NACC1: variants seen among roughly 807,000 people sequenced by gnomAD.
NACC1 encodes the protein nucleus accumbens associated 1.
In NACC1, 6 loss-of-function variants were observed where a neutral mutation model predicts 41.7. The ratio of observed to expected loss-of-function variants is 0.14; its 90% CI spans 0.08 to 0.28. The LOEUF (loss-of-function observed/expected upper bound fraction) is 0.28, where lower values mean the gene tolerates loss of function less well. Among genes scored for constraint, NACC1 ranks in the 10% least tolerant of loss-of-function variants. The pLI is 1.00. For synonymous variants in NACC1, 338 were observed against 330.6 expected (o/e 1.02, Z -0.24); for missense variants, 434 against 763.7 (o/e 0.57, Z 5.09).
intron 1 of NACC1, among the ~76,000 whole-genome samples, chr19:13,127,368 A>T (rs1330705416): frequency 1.2e-5 from 1 of 81,428 alleles, no homozygotes; most frequent in African/African-American, 6.1e-5. Flanking sequence ...ACATATACAT[A>T]TACTTTTTTT....
At chr19:13,129,968 T>C (rs2145618486) in intron 1 of NACC1, among the ~76,000 whole-genome samples, 1 of 152,170 alleles carries the variant, frequency 6.6e-6, no homozygotes, top group Admixed American at 6.5e-5. Context: ...TAAGGTCACC[T>C]TGAAGCAGTC....
intron 1 of NACC1, among the ~76,000 whole-genome samples, chr19:13,134,307 G>A (rs560610170): frequency 2.0e-5 from 3 of 151,968 alleles, no homozygotes; most frequent in Non-Finnish European, 4.4e-5. Context: ...TGATCCACAC[G>A]CCTTGCCCTC....
Position 13,139,347 on chromosome 19 carries a change from C to T in NACC1, c.*941C>T, listed in dbSNP as rs1210962847. The stretch of plus-strand genomic sequence containing the variant: ...ACCCCCCTGTACATAATTTTTAAAA[C>T]CTTTTTTTAGCGAATGAAATATTGA... On this transcript the variant is annotated 3_prime_UTR_variant, in exon 6 of 6. Transcript: ENST00000292431. 6.6e-6 allele frequency: 1 copy of T among 151,160 alleles called. No homozygotes were observed. Among genetic ancestry groups the T allele is most frequent in the African/African-American group, 2.4e-5 (1 of 41,252 alleles). The allele number at this position is 151,160 out of a possible 1,614,324, so 9.4% of individuals were successfully genotyped here.
At chr19:13,119,137 G>C (rs1247843483) in intron 1 of NACC1, among the ~76,000 whole-genome samples, 1 of 151,338 alleles carries the variant, frequency 6.6e-6, no homozygotes, top group Non-Finnish European at 1.5e-5. Flanking sequence ...GGAGTTTTGG[G>C]AGTCGAGAGA....
chr19:13,136,442 G>C lies in NACC1; in HGVS notation c.1120+37G>C. 1.3e-6 allele frequency: 2 copies of C among 1,578,674 alleles called. No homozygotes were observed. Among genetic ancestry groups the C allele is most frequent in the South Asian group, 2.3e-5 (2 of 85,842 alleles). On this transcript the variant is annotated intron_variant, in intron 3 of 5. Coordinates refer to ENST00000292431, the MANE Select transcript of NACC1 (RefSeq NM_052876.4). The surrounding 1 kb of genome is among the most constrained non-coding windows in gnomAD (Gnocchi z 5.5). ...TCGCCCCAGATCTCTCCCCTCCGCA[G>C]CTTTGGAGCCGGCTGGCCTGGGCTG...
chr19:13,123,190 G>T (rs1257704692), intron 1 of NACC1, among the ~76,000 whole-genome samples: 1 of 152,128 alleles, frequency 6.6e-6, no homozygotes, highest in African/African-American at 2.4e-5. Context: ...TCACCTCAGG[G>T]CCTTTGCACT....
Position 13,139,178 on chromosome 19 carries a change from T to C in NACC1, c.*772T>C, listed in dbSNP as rs1404745759. 1.3e-5 allele frequency: 2 copies of C among 151,998 alleles called. No homozygotes were observed. The highest frequency in any genetic ancestry group is 2.9e-5 in the Non-Finnish European group (2 of 68,092). The allele number at this position is 151,998 out of a possible 1,614,324, so 9.4% of individuals were successfully genotyped here. ...CTGGCAGAGTGTGTGCGTGTGTGTGTGCAGAAGTTTTGCTTTCAAACAAAT... is the reference window on the plus strand; with the variant it reads ...CTGGCAGAGTGTGTGCGTGTGTGTGCGCAGAAGTTTTGCTTTCAAACAAAT... On this transcript the variant is annotated 3_prime_UTR_variant, in exon 6 of 6. Transcript: ENST00000292431.
chr19:13,140,942 C>T lies in NACC1; in HGVS notation c.*2536C>T, dbSNP rs1487898947. 6.6e-6 allele frequency: 1 copy of T among 152,570 alleles called. No homozygotes were observed. Among genetic ancestry groups the T allele is most frequent in the Non-Finnish European group, 1.5e-5 (1 of 68,050 alleles). The allele number at this position is 152,570 out of a possible 1,614,324, so 9.5% of individuals were successfully genotyped here. A position where few individuals can be genotyped will look rare whatever the true frequency, so the allele number is the denominator to read the frequency against. On this transcript the variant is annotated 3_prime_UTR_variant, in exon 6 of 6. Transcript: ENST00000292431. The surrounding 1 kb of genome is among the most constrained non-coding windows in gnomAD (Gnocchi z 4.0). ...TCCCTGGCCGCCCACTCAACCCACA[C>T]CTCTTTCACGCAGGACAGGCTGCCC...
chr19:13,138,985 A>G lies in NACC1; in HGVS notation c.*579A>G, dbSNP rs2019747991. 1 of 153,780 alleles carries G rather than the reference A, an allele frequency of 6.5e-6. No individual in the cohort carries two copies. The highest frequency in any genetic ancestry group is 6.4e-5 in the Admixed American group (1 of 15,584). 9.5% of individuals were successfully genotyped at this position (153,780 alleles called of 1,614,324 possible). Reference sequence around the variant, plus strand: ...GGAAACAGGCTCCGAGAAATTGCACAACCGACCTCAGGTGGCCGGCAGTGG... The same window carrying G: ...GGAAACAGGCTCCGAGAAATTGCACGACCGACCTCAGGTGGCCGGCAGTGG... On this transcript the variant is annotated 3_prime_UTR_variant, in exon 6 of 6. Coordinates refer to ENST00000292431, the MANE Select transcript of NACC1 (RefSeq NM_052876.4). This position sits in a 1 kb window ranked among gnomAD's most constrained non-coding sequence, Gnocchi z 5.7.
intron 1 of NACC1, among the ~76,000 whole-genome samples, chr19:13,119,313 C>G (rs905743167): frequency 6.6e-6 from 1 of 152,126 alleles, no homozygotes; most frequent in African/African-American, 2.4e-5. Flanking sequence ...AGTCCTGACC[C>G]TACCCCTTGG....
chr19:13,123,686 C>G (rs2019527820), intron 1 of NACC1, among the ~76,000 whole-genome samples: 1 of 152,160 alleles, frequency 6.6e-6, no homozygotes, highest in African/African-American at 2.4e-5. Context: ...GGTAAAGAGC[C>G]CCAGCTCTGG....
chr19:13,126,601 T>G lies in NACC1; in HGVS notation c.-9+8147T>G, dbSNP rs888370473. Among the ~76,000 whole-genome samples the G allele has an allele frequency of 5.3e-5, 8 of 152,236 alleles. No individual in the cohort carries two copies. The South Asian group carries it at 6.2e-4, about 12-fold the overall frequency. On this transcript the variant is annotated intron_variant, in intron 1 of 5. Transcript: ENST00000292431. The stretch of plus-strand genomic sequence containing the variant: ...ATCCTGCCAGCCCCCTTCCTGCAGA[T>G]GGCAGGATCCACCGGCAGTGTGAGC...
At chr19:13,128,376 C>T (rs1269872271) in intron 1 of NACC1, among the ~76,000 whole-genome samples, 1 of 152,176 alleles carries the variant, frequency 6.6e-6, no homozygotes, top group Non-Finnish European at 1.5e-5. Context: ...CTGGTGAGGG[C>T]TCTCTTCATG....
intron 1 of NACC1, among the ~76,000 whole-genome samples, chr19:13,127,200 C>T (rs1336979133): frequency 2.0e-5 from 3 of 151,302 alleles, no homozygotes; most frequent in East Asian, 2.0e-4. Flanking sequence ...GAGTTAGTGT[C>T]GGGAAGGGCT....
intron 1 of NACC1, among the ~76,000 whole-genome samples, chr19:13,123,270 G>A (rs2019521830): frequency 6.6e-6 from 1 of 152,158 alleles, no homozygotes; most frequent in Admixed American, 6.6e-5. Flanking sequence ...CTGATTACAC[G>A]CAGGGAGTGG....
intron 1 of NACC1, among the ~76,000 whole-genome samples, chr19:13,127,804 G>A (rs2019584762): frequency 1.3e-5 from 2 of 151,892 alleles, no homozygotes; most frequent in African/African-American, 4.8e-5. Flanking sequence ...CTATGATGGT[G>A]CCACTGTACT....
In NACC1 at chr19:13,118,387, G is replaced by A. The variant is rs560323073; in HGVS notation, c.-76G>A. 9.5e-5 allele frequency: 14 copies of A among 146,988 alleles called. No individual in the cohort carries two copies. The South Asian group carries it at 1.4e-3, about 15-fold the overall frequency. The allele number at this position is 146,988 out of a possible 1,614,324, so 9.1% of individuals were successfully genotyped here. A position where few individuals can be genotyped will look rare whatever the true frequency, so the allele number is the denominator to read the frequency against. On this transcript the variant is annotated 5_prime_UTR_variant, in exon 1 of 6. Transcript: ENST00000292431. ...CCCGGCGCAGCGGGGCGCGCCCCGGGCCCAGGCCCGGCCCCAGCCGCCGCT... is the reference window on the plus strand; with the variant it reads ...CCCGGCGCAGCGGGGCGCGCCCCGGACCCAGGCCCGGCCCCAGCCGCCGCT...
At chr19:13,119,079 G>C (rs1382923224) in intron 1 of NACC1, among the ~76,000 whole-genome samples, 2 of 151,622 alleles carry the variant, frequency 1.3e-5, no homozygotes, top group African/African-American at 2.4e-5. Flanking sequence ...ATGTGGGGAG[G>C]GGGAGGCTAG....
chr19:13,132,338 G>C (rs1219834445), intron 1 of NACC1: 2 of 151,668 alleles, frequency 1.3e-5, no homozygotes, highest in African/African-American at 4.8e-5. Flanking sequence ...GACCCTGGGA[G>C]GCGGAGGTTG....
Sources: allele counts gnomAD v4.1 joint callset (sites outside exome capture counted in the v4.1 genomes callset), GRCh38; gene constraint gnomAD v4.1.1; non-coding constraint Gnocchi (gnomAD v3.1); transcripts MANE v1.5; gene names NCBI Gene and HGNC (gene_info 2026-07-23, HGNC 2026-07-21).